The following FBRSL1 variants were observed in gnomAD, a reference collection of about 807,000 sequenced individuals.
The protein encoded by FBRSL1 is fibrosin like 1, also known as fibrosin-1-like protein.
A neutral mutation model predicts 89.6 loss-of-function variants in FBRSL1; 51 were observed. That is an observed-to-expected ratio of 0.57 (90% confidence interval 0.45 to 0.72). FBRSL1 has a LOEUF of 0.72. FBRSL1 is among the 30% of genes least tolerant of loss of function. FBRSL1 has a pLI of 0.00. For missense variants in FBRSL1, 1,618 were observed against 1,451.8 expected (o/e 1.11, Z -1.86); for synonymous variants, 779 against 681.1 (o/e 1.14, Z -2.24).
intron 4 of FBRSL1, among the ~76,000 whole-genome samples, chr12:132,530,030 A>C (rs2036129953): frequency 1.3e-5 from 2 of 148,502 alleles, no homozygotes; most frequent in African/African-American, 5.0e-5. Context: ...GTATGATGAC[A>C]CTCCTCCGCC....
At chr12:132,511,469 T>C in intron 2 of FBRSL1, 1 of 985,932 alleles carries the variant, frequency 1.0e-6, no homozygotes. Flanking sequence ...GCAGCCCCAC[T>C]CGAGTCTTCT....
intron 2 of FBRSL1, among the ~76,000 whole-genome samples, chr12:132,520,002 G>A (rs1343567529): frequency 3.3e-5 from 5 of 151,802 alleles, no homozygotes; most frequent in Non-Finnish European, 2.9e-5. Context: ...GTGTATGGGT[G>A]GTGAGGAAGT....
intron 1 of FBRSL1, among the ~76,000 whole-genome samples, chr12:132,496,331 G>A (rs1261591862): frequency 2.6e-5 from 4 of 152,226 alleles, no homozygotes. Flanking sequence ...AAAGAGAAGT[G>A]CCCAGAACTG....
intron 2 of FBRSL1, among the ~76,000 whole-genome samples, chr12:132,516,890 T>C (rs1363719344): frequency 1.3e-5 from 2 of 152,218 alleles, no homozygotes; most frequent in East Asian, 3.8e-4. Context: ...ATAGTTCATT[T>C]GTTTTCGGGT....
intron 5 of FBRSL1, among the ~76,000 whole-genome samples, chr12:132,561,081 G>A (rs2039085448): frequency 6.6e-6 from 1 of 152,156 alleles, no homozygotes; most frequent in Non-Finnish European, 1.5e-5. Context: ...CCCCTGTTCT[G>A]CTCTCAGCCC....
intron 15 of FBRSL1, among the ~76,000 whole-genome samples, chr12:132,580,099 T>C (rs2040642142): frequency 1.3e-5 from 2 of 152,172 alleles, no homozygotes; most frequent in South Asian, 4.1e-4. Context: ...TTTTAATTTA[T>C]TTATTTTGAG....
intron 2 of FBRSL1, among the ~76,000 whole-genome samples, chr12:132,512,210 C>T (rs1416645416): frequency 2.6e-5 from 4 of 152,244 alleles, no homozygotes; most frequent in Admixed American, 6.5e-5. Context: ...TGACAGGGGT[C>T]GAGACCCCCC....
In FBRSL1 at chr12:132,490,664, C is replaced by G. The variant is rs1016361246; in HGVS notation, c.94C>G (p.Pro32Ala). The G allele has an allele frequency of 4.0e-6, 4 of 996,522 alleles. No individual in the cohort carries two copies. Among genetic ancestry groups the G allele is most frequent in the Admixed American group, 5.3e-5 (1 of 18,766 alleles). The allele number at this position is 996,522 out of a possible 1,614,324, so 61.7% of individuals were successfully genotyped here. Reference protein sequence around the residue: ...EAARDARAQSPSSGDEPEPSP... With the variant: ...EAARDARAQSASSGDEPEPSP... ...CGCCCGCGACGCCCGCGCCCAGAGT[C>G]CGTCGTCGGGCGACGAGCCCGAGCC... Residue 32 changes from proline (P) to alanine (A), a missense_variant, in exon 1 of 19, where the codon CCG (proline) becomes GCG (alanine). Pro to Ala is a conservative substitution (Grantham distance 27). Transcript: ENST00000680143.
At chr12:132,492,316 T>C (rs1157962859) in intron 1 of FBRSL1, among the ~76,000 whole-genome samples, 1 of 152,202 alleles carries the variant, frequency 6.6e-6, no homozygotes, top group Non-Finnish European at 1.5e-5. Context: ...CACCTCAGAC[T>C]CCTCTGAAGT....
Position 132,581,426 on chromosome 12 carries a change from C to T in FBRSL1, c.1835-13C>T. On this transcript the variant is annotated splice_polypyrimidine_tract_variant and intron_variant, in intron 15 of 18. Transcript: ENST00000680143. Reference sequence around the variant, plus strand: ...CTCTCCTGGCTTCTGTCAAACCTGGCTGCCCCCCCCAGGTGCCGCCCATCC... The same window carrying T: ...CTCTCCTGGCTTCTGTCAAACCTGGTTGCCCCCCCCAGGTGCCGCCCATCC... 6.4e-7 allele frequency: 1 copy of T among 1,550,846 alleles called. No homozygotes were observed. Among genetic ancestry groups the T allele is most frequent in the Non-Finnish European group, 8.7e-7 (1 of 1,146,880 alleles).
intron 6 of FBRSL1, among the ~76,000 whole-genome samples, chr12:132,569,051 C>T (rs2039827580): frequency 6.6e-6 from 1 of 152,126 alleles, no homozygotes; most frequent in Admixed American, 6.5e-5. Context: ...GCACGTGGAA[C>T]GTTGTTTTGT....
At chr12:132,517,814 CGTG>C (rs1028781327) in intron 2 of FBRSL1, among the ~76,000 whole-genome samples, 101 of 152,118 alleles carry the variant, frequency 6.6e-4, no homozygotes, top group African/African-American at 2.3e-3. Flanking sequence ...TTTACAAACT[CGTG>C]GGGGAGGCAG....
intron 4 of FBRSL1, among the ~76,000 whole-genome samples, chr12:132,529,053 A>G (rs1245790343): frequency 6.6e-6 from 1 of 152,180 alleles, no homozygotes; most frequent in Non-Finnish European, 1.5e-5. Flanking sequence ...AACATTAATG[A>G]CAACATAAAA....
At chr12:132,512,465 G>A (rs1171868900) in intron 2 of FBRSL1, among the ~76,000 whole-genome samples, 1 of 152,258 alleles carries the variant, frequency 6.6e-6, no homozygotes, top group Non-Finnish European at 1.5e-5. Flanking sequence ...TGGCACACTT[G>A]GGGTGCGGGC....
intron 2 of FBRSL1, among the ~76,000 whole-genome samples, chr12:132,515,998 T>C (rs1284790624): frequency 6.6e-6 from 1 of 150,684 alleles, no homozygotes; most frequent in African/African-American, 2.4e-5. Context: ...AATCCCTAGC[T>C]AGATCAATCA....
Position 132,581,236 on chromosome 12 carries a change from G to A in FBRSL1, c.1835-203G>A, listed in dbSNP as rs564720476. On this transcript the variant is annotated intron_variant, in intron 15 of 18. Transcript: ENST00000680143. ...GGGGTCCCAGGATGGCTGCCACTGCGGCTCCAAGTCAAACCTCCTCCGAAT... is the reference window on the plus strand; with the variant it reads ...GGGGTCCCAGGATGGCTGCCACTGCAGCTCCAAGTCAAACCTCCTCCGAAT... 2.7e-5 allele frequency: 27 copies of A among 982,872 alleles called. No individual in the cohort carries two copies. The South Asian group carries it at 5.7e-4, about 21-fold the overall frequency. The allele number at this position is 982,872 out of a possible 1,614,324, so 60.9% of individuals were successfully genotyped here.
At chr12:132,530,498 C>A (rs990737891) in intron 4 of FBRSL1, among the ~76,000 whole-genome samples, 1 of 151,730 alleles carries the variant, frequency 6.6e-6, no homozygotes, top group Non-Finnish European at 1.5e-5. Flanking sequence ...CACGTGGCCA[C>A]CTCCTGTGGC....
intron 5 of FBRSL1, among the ~76,000 whole-genome samples, chr12:132,557,606 G>A (rs2038784417): frequency 6.6e-6 from 1 of 152,230 alleles, no homozygotes; most frequent in South Asian, 2.1e-4. Context: ...AAGTGGGGTT[G>A]GAAGCCTCGT....
chr12:132,545,963 C>T (rs2037652482), intron 4 of FBRSL1, among the ~76,000 whole-genome samples: 1 of 152,222 alleles, frequency 6.6e-6, no homozygotes, highest in Non-Finnish European at 1.5e-5. Flanking sequence ...GGGCTGCCTC[C>T]TGTCCCACCT....
Sources: allele counts gnomAD v4.1 joint callset (sites outside exome capture counted in the v4.1 genomes callset), GRCh38; gene constraint gnomAD v4.1.1; transcripts MANE v1.5; gene names NCBI Gene and HGNC (gene_info 2026-07-23, HGNC 2026-07-21).